Variants in MAML3 observed in about 807,000 individuals in gnomAD.
The protein encoded by MAML3 is mastermind-like protein 3.
In MAML3, 27 loss-of-function variants were observed where a neutral mutation model predicts 101.9. That is an observed-to-expected ratio of 0.27 (90% confidence interval 0.20 to 0.37). The LOEUF (loss-of-function observed/expected upper bound fraction) is 0.37, where lower values mean the gene tolerates loss of function less well. MAML3 is among the 10% of genes least tolerant of loss of function. MAML3 has a pLI of 1.00. For missense variants in MAML3, 1,316 were observed against 1,444.9 expected, an observed-to-expected ratio of 0.91 and a Z score of 1.45; for synonymous variants, 501 against 555.9, an observed-to-expected ratio of 0.90 and a Z score of 1.39.
chr4:139,932,834 C>T (rs3736443), intron 1 of MAML3, among the ~76,000 whole-genome samples: 92,575 of 152,050 alleles, frequency 0.61, 28,663 homozygotes, highest in East Asian at 0.92. Flanking sequence ...TTAAGGAAAA[C>T]GACCAAATTC....
intron 3 of MAML3, among the ~76,000 whole-genome samples, chr4:139,727,791 C>T (rs1303564039): frequency 6.6e-6 from 1 of 152,186 alleles, no homozygotes; most frequent in Non-Finnish European, 1.5e-5. Context: ...ATCCCAAATC[C>T]TTCTGTTTTC....
intron 1 of MAML3, among the ~76,000 whole-genome samples, chr4:140,049,799 C>G (rs1485148992): frequency 1.3e-5 from 2 of 151,962 alleles, no homozygotes; most frequent in African/African-American, 4.8e-5. Context: ...CTCGGTTTTA[C>G]TTTGTTTTCA....
intron 2 of MAML3, among the ~76,000 whole-genome samples, chr4:139,866,796 T>A (rs1731907271): frequency 6.6e-6 from 1 of 152,102 alleles, no homozygotes; most frequent in Admixed American, 6.5e-5. Context: ...CAATTCAAGG[T>A]CAGAGAATGA....
intron 1 of MAML3, among the ~76,000 whole-genome samples, chr4:139,895,856 C>T (rs1056437671): frequency 6.6e-6 from 1 of 152,164 alleles, no homozygotes; most frequent in African/African-American, 2.4e-5. Flanking sequence ...TTGGAGCCTC[C>T]GAGTGTTCCC....
intron 1 of MAML3, among the ~76,000 whole-genome samples, chr4:140,106,983 G>C (rs1397204162): frequency 6.6e-6 from 1 of 152,114 alleles, no homozygotes; most frequent in Non-Finnish European, 1.5e-5. Flanking sequence ...CGATTCTCCA[G>C]CCTCAGTCTC....
At chr4:139,842,838 G>T (rs2111146937) in intron 2 of MAML3, among the ~76,000 whole-genome samples, 1 of 128,688 alleles carries the variant, frequency 7.8e-6, no homozygotes, top group African/African-American at 3.1e-5. Flanking sequence ...GAGTGCAGTG[G>T]CGCCATCTCG....
chr4:139,965,308 T>C (rs1734108561), intron 1 of MAML3, among the ~76,000 whole-genome samples: 1 of 152,172 alleles, frequency 6.6e-6, no homozygotes, highest in African/African-American at 2.4e-5. Context: ...TTTGGAATTC[T>C]GTATGAACTT....
At chr4:139,801,642 G>GT (rs1491286828) in intron 2 of MAML3, among the ~76,000 whole-genome samples, 1,907 of 11,714 alleles carry the variant, frequency 0.16, 44 homozygotes, top group South Asian at 0.4. Flanking sequence ...GGGTGTGTGT[G>GT]GGTGTGTGTG....
intron 1 of MAML3, among the ~76,000 whole-genome samples, chr4:139,917,273 G>A (rs534296276): frequency 3.9e-5 from 6 of 152,272 alleles, no homozygotes; most frequent in African/African-American, 7.2e-5. Flanking sequence ...GTTTGAAGCC[G>A]TGTGCTCTTG....
At chr4:139,821,623 C>G (rs1360560497) in intron 2 of MAML3, among the ~76,000 whole-genome samples, 1 of 152,196 alleles carries the variant, frequency 6.6e-6, no homozygotes, top group African/African-American at 2.4e-5. Context: ...CTACCACACT[C>G]CACCTGAAGA....
At chr4:139,780,614 C>A (rs964245361) in intron 2 of MAML3, among the ~76,000 whole-genome samples, 1 of 138,598 alleles carries the variant, frequency 7.2e-6, no homozygotes, top group Non-Finnish European at 1.6e-5. Context: ...CCATTTCTTT[C>A]TTTCTTTTCT....
At chr4:139,976,360 G>A (rs1445316355) in intron 1 of MAML3, among the ~76,000 whole-genome samples, 1 of 152,156 alleles carries the variant, frequency 6.6e-6, no homozygotes. Flanking sequence ...AAGCATCTTG[G>A]AAATGGAAAA....
At chr4:139,922,403 A>C (rs1733145906) in intron 1 of MAML3, among the ~76,000 whole-genome samples, 1 of 152,176 alleles carries the variant, frequency 6.6e-6, no homozygotes. Flanking sequence ...GAGGGATAAC[A>C]TACAGGCAGA....
At chr4:139,789,917 T>C (rs1053564564) in intron 2 of MAML3, among the ~76,000 whole-genome samples, 1 of 152,072 alleles carries the variant, frequency 6.6e-6, no homozygotes, top group Non-Finnish European at 1.5e-5. Context: ...GCTTGTGAAC[T>C]TGTCAACTAG....
chr4:139,757,642 CA>C (rs10583574), intron 2 of MAML3, among the ~76,000 whole-genome samples: 26,925 of 104,280 alleles, frequency 0.26, 2,648 homozygotes, highest in Non-Finnish European at 0.27. Context: ...GGCTCCATTT[CA>C]AAAAAAAAAA....
At chr4:140,075,341 A>T (rs1727747862) in intron 1 of MAML3, among the ~76,000 whole-genome samples, 1 of 152,122 alleles carries the variant, frequency 6.6e-6, no homozygotes, top group Admixed American at 6.5e-5. Flanking sequence ...TTAAGAAAAA[A>T]GTAAAATATA....
chr4:139,755,745 C>T (rs1729635704), intron 2 of MAML3, among the ~76,000 whole-genome samples: 1 of 152,170 alleles, frequency 6.6e-6, no homozygotes, highest in South Asian at 2.1e-4. Flanking sequence ...GTTGAAGAAA[C>T]TACAACAGGC....
chr4:140,090,985 G>A (rs1356955246), intron 1 of MAML3, among the ~76,000 whole-genome samples: 1 of 152,150 alleles, frequency 6.6e-6, no homozygotes, highest in Admixed American at 6.5e-5. Flanking sequence ...AGGAGGCGGA[G>A]GTTGCAGTAA....
intron 3 of MAML3, among the ~76,000 whole-genome samples, chr4:139,729,607 G>A (rs1331305294): frequency 6.6e-6 from 1 of 152,160 alleles, no homozygotes; most frequent in African/African-American, 2.4e-5. Flanking sequence ...TCTCTGTGCA[G>A]ACCCTCACAG....
Sources: gnomAD v4.1 joint callset for allele counts (sites outside exome capture counted in the v4.1 genomes callset) on GRCh38, gnomAD v4.1.1 for gene constraint, MANE v1.5 for transcripts, NCBI Gene and HGNC (gene_info 2026-07-23, HGNC 2026-07-21) for gene names.